The following TRHDE variants were observed in gnomAD, a reference collection of about 807,000 sequenced individuals.
The protein encoded by TRHDE is thyrotropin releasing hormone degrading enzyme.
A neutral mutation model predicts 125.7 loss-of-function variants in TRHDE; 72 were observed. The ratio of observed to expected loss-of-function variants is 0.57; its 90% CI spans 0.47 to 0.70. The LOEUF is 0.70. Among genes scored for constraint, TRHDE ranks in the 30% least tolerant of loss-of-function variants. The probability of loss-of-function intolerance (pLI) is 0.00; values close to 1 mark genes in which losing one functional copy is unlikely to be tolerated. For synonymous variants in TRHDE, 509 were observed against 509.1 expected (o/e 1.00, Z 0.00); for missense variants, 1,110 against 1,327.1 (o/e 0.84, Z 2.54).
intron 6 of TRHDE, among the ~76,000 whole-genome samples, chr12:72,508,256 A>T (rs1878438163): frequency 6.6e-6 from 1 of 152,190 alleles, no homozygotes; most frequent in African/African-American, 2.4e-5. Context: ...CTAGAATTAT[A>T]GATCCATTAA....
chr12:72,404,705 A>T (rs1240869481), intron 3 of TRHDE, among the ~76,000 whole-genome samples: 3 of 152,154 alleles, frequency 2.0e-5, no homozygotes, highest in Admixed American at 6.5e-5. Flanking sequence ...CTCATGATTC[A>T]ATCACCTCCC....
chr12:72,550,097 T>A (rs1869605678), intron 7 of TRHDE, among the ~76,000 whole-genome samples: 1 of 151,964 alleles, frequency 6.6e-6, no homozygotes, highest in African/African-American at 2.4e-5. Context: ...GCTAATCGGG[T>A]TGATATTATA....
chr12:72,192,734 G>C (rs1877365209), intron 2 of TRHDE, among the ~76,000 whole-genome samples: 1 of 152,064 alleles, frequency 6.6e-6, no homozygotes, highest in Non-Finnish European at 1.5e-5. Flanking sequence ...CAGAGTTGCT[G>C]TTACGTTAAA....
Position 72,273,174 on chromosome 12 carries a change from G to A in TRHDE, c.531G>A (p.Pro177=), listed in dbSNP as rs756985913. 1.3e-6 allele frequency: 2 copies of A among 1,592,156 alleles called. No homozygotes were observed. The highest frequency in any genetic ancestry group is 4.5e-5 in the East Asian group (2 of 44,352). Residue 177 remains proline, a synonymous_variant, in exon 1 of 19, where the codon CCG becomes CCA. Coordinates refer to ENST00000261180, the MANE Select transcript of TRHDE (RefSeq NM_013381.3). The surrounding 1 kb of genome is among the most constrained non-coding windows in gnomAD (Gnocchi z 5.3). Reference sequence around the variant, plus strand: ...CGCCGTCGGAGGAGGAGCGGGAGCCGTGGGAGCCGTGGACGCAGCTGCGCC... The same window carrying A: ...CGCCGTCGGAGGAGGAGCGGGAGCCATGGGAGCCGTGGACGCAGCTGCGCC... ...AQPPSEEERE[P]WEPWTQLRLS...
intron 2 of TRHDE, among the ~76,000 whole-genome samples, chr12:72,301,205 C>T (rs1868257026): frequency 6.6e-6 from 1 of 152,118 alleles, no homozygotes; most frequent in Non-Finnish European, 1.5e-5. Flanking sequence ...AGGTTATCTT[C>T]ACACATGCCT....
intron 12 of TRHDE, among the ~76,000 whole-genome samples, chr12:72,605,343 G>A (rs547050759): frequency 9.2e-5 from 14 of 152,106 alleles, no homozygotes; most frequent in South Asian, 2.1e-4. Flanking sequence ...TTATTTCTAT[G>A]TCACCATTTA....
intron 2 of TRHDE, among the ~76,000 whole-genome samples, chr12:72,289,290 T>G (rs1179056539): frequency 6.6e-6 from 1 of 152,160 alleles, no homozygotes; most frequent in African/African-American, 2.4e-5. Context: ...GGGCCCTAAG[T>G]GTGAATATTT....
chr12:72,644,493 C>T (rs1322156818), intron 15 of TRHDE, among the ~76,000 whole-genome samples: 1 of 152,072 alleles, frequency 6.6e-6, no homozygotes, highest in African/African-American at 2.4e-5. Context: ...AAGAAAAATC[C>T]CAATTCTTGA....
chr12:72,105,709 G>A (rs1875171430), exon 2 of TRHDE: 1 of 152,142 alleles, frequency 6.6e-6, no homozygotes, highest in Non-Finnish European at 1.5e-5. Flanking sequence ...GTGGCAGTCT[G>A]ACTCCAAGTC....
At position 72,273,197 on chromosome 12, in the gene TRHDE, G is replaced by C. The variant is rs1879325027; in HGVS notation, c.554G>C (p.Arg185Pro). The C allele has an allele frequency of 4.4e-6, 7 of 1,602,414 alleles. No individual in the cohort carries two copies. Among genetic ancestry groups the C allele is most frequent in the Non-Finnish European group, 6.0e-6 (7 of 1,171,742 alleles). Residue 185 changes from arginine to proline, a missense_variant, in exon 1 of 19, where the codon CGC becomes CCC. Arg to Pro is a moderately radical substitution (Grantham distance 103). Coordinates refer to ENST00000261180, the MANE Select transcript of TRHDE (RefSeq NM_013381.3). This position sits in a 1 kb window ranked among gnomAD's most constrained non-coding sequence, Gnocchi z 5.3. The stretch of plus-strand genomic sequence containing the variant: ...CCGTGGGAGCCGTGGACGCAGCTGC[G>C]CCTGTCGGGCCACCTGAAGCCGCTG... ...REPWEPWTQL[R>P]LSGHLKPLHY...
intron 7 of TRHDE, among the ~76,000 whole-genome samples, chr12:72,547,677 A>G (rs1016597827): frequency 1.2e-4 from 18 of 151,750 alleles, no homozygotes; most frequent in African/African-American, 4.3e-4. Context: ...TTGATTTAAG[A>G]CCACCTCTAT....
At position 72,186,781 on chromosome 12, in the gene TRHDE, C is replaced by CT. The variant is rs199825088; in HGVS notation, n.279+81040dup. 2.2e-3 allele frequency among the ~76,000 whole-genome samples: 326 copies of CT among 147,268 alleles called. 2 individuals carry two copies. In the East Asian group the frequency reaches 0.034, roughly 15 times the overall value. On this transcript the variant is annotated intron_variant and non_coding_transcript_variant, in intron 2 of 4. Transcript: ENST00000548156. ...TTTTGACTTTTTATTAGACATGGATCTTTTTTTTTTTAAGTCCTACTACTG... is the reference window on the plus strand; with the variant it reads ...TTTTGACTTTTTATTAGACATGGATCTTTTTTTTTTTTAAGTCCTACTACTG...
chr12:72,612,650 A>G (rs1229306373), intron 12 of TRHDE, among the ~76,000 whole-genome samples: 1 of 152,222 alleles, frequency 6.6e-6, no homozygotes, highest in Non-Finnish European at 1.5e-5. Context: ...TCTAAAGGAT[A>G]GTAGACTGAA....
intron 12 of TRHDE, among the ~76,000 whole-genome samples, chr12:72,585,419 A>G (rs1190339967): frequency 1.3e-5 from 2 of 152,166 alleles, no homozygotes; most frequent in Admixed American, 6.5e-5. Context: ...TACATTCACA[A>G]CACGTACTTA....
chr12:72,472,747 G>A (rs577395647), intron 4 of TRHDE, among the ~76,000 whole-genome samples: 35 of 152,108 alleles, frequency 2.3e-4, no homozygotes, highest in Admixed American at 1.4e-3. Flanking sequence ...CCTCTTCTAC[G>A]TAATAGGTCT....
chr12:72,621,205 A>G lies in TRHDE; in HGVS notation c.2567A>G (p.Glu856Gly). The G allele has an allele frequency of 6.3e-7, 1 of 1,597,540 alleles. No individual in the cohort carries two copies. Among genetic ancestry groups the G allele is most frequent in the Non-Finnish European group, 8.6e-7 (1 of 1,165,610 alleles). ...GSLVQASYQH[E>G]ELRREVIMLA... is the part of the protein sequence containing the mutation. ...CTTGTTCAAGCATCCTACCAACATG[A>G]GTACTGTTTTATTTTCTTATCCTCT... The change falls in exon 14 of 19, where the codon GAA becomes GGA. Residue 856 changes from glutamate to glycine, a missense_variant and splice_region_variant. Physicochemically the swap from Glu to Gly is moderately conservative, Grantham distance 98. Transcript: ENST00000261180.
At chr12:72,354,525 A>C (rs1870726100) in intron 2 of TRHDE, among the ~76,000 whole-genome samples, 1 of 151,366 alleles carries the variant, frequency 6.6e-6, no homozygotes, top group Non-Finnish European at 1.5e-5. Context: ...CTAATAAGTA[A>C]AATGGGAATG....
chr12:72,256,189 T>TAA (rs1878810294), intron 2 of TRHDE: 1 of 152,170 alleles, frequency 6.6e-6, no homozygotes, highest in Non-Finnish European at 1.5e-5. Flanking sequence ...AGTAGAAGTC[T>TAA]AAGTACTTAC....
At chr12:72,562,681 GCTTAA>G (rs1870236483) in intron 8 of TRHDE, among the ~76,000 whole-genome samples, 167 bp from the exon 9 acceptor site, 1 of 152,008 alleles carries the variant, frequency 6.6e-6, no homozygotes, top group South Asian at 2.1e-4. Flanking sequence ...CATTTATGAA[GCTTAA>G]CTTAGGGCAA....
Sources: allele counts gnomAD v4.1 joint callset (sites outside exome capture counted in the v4.1 genomes callset), GRCh38; gene constraint gnomAD v4.1.1; non-coding constraint Gnocchi (gnomAD v3.1); transcripts MANE v1.5; gene names NCBI Gene and HGNC (gene_info 2026-07-23, HGNC 2026-07-21).